Variants in KIAA1671 observed in about 807,000 individuals in gnomAD.
KIAA1671 encodes the protein KIAA1671.
KIAA1671 carries 52 observed loss-of-function variants against 131.2 expected under a neutral mutation model. The observed-to-expected ratio is 0.40, with a 90% CI of 0.32 to 0.50. The LOEUF (loss-of-function observed/expected upper bound fraction) is 0.50, where lower values mean the gene tolerates loss of function less well. KIAA1671 is among the 20% of genes least tolerant of loss of function. KIAA1671 has a pLI of 0.73. For synonymous variants in KIAA1671, 1,003 were observed against 961.6 expected (o/e 1.04, Z -0.80); for missense variants, 2,360 against 2,364.2 (o/e 1.00, Z 0.04).
intron 6 of KIAA1671, among the ~76,000 whole-genome samples, chr22:25,117,211 G>A (rs550185461): frequency 2.6e-5 from 4 of 152,184 alleles, no homozygotes; most frequent in Non-Finnish European, 4.4e-5. Context: ...TGTAGCTGGG[G>A]TATATTCTCC....
At chr22:25,072,742 C>G (rs713961) in intron 6 of KIAA1671, among the ~76,000 whole-genome samples, 73,660 of 151,954 alleles carry the variant, frequency 0.48, 18,526 homozygotes, top group African/African-American at 0.61. Context: ...TGATTTGCTT[C>G]TTGGGGCAAT....
At chr22:25,145,565 G>T (rs781425656) in intron 6 of KIAA1671, among the ~76,000 whole-genome samples, 3 of 152,210 alleles carry the variant, frequency 2.0e-5, no homozygotes, top group Non-Finnish European at 4.4e-5. Flanking sequence ...CACCTGTGCA[G>T]GTTACTTCCC....
chr22:25,055,805 T>TATAG (rs1927806053), intron 6 of KIAA1671: 1 of 114,626 alleles, frequency 8.7e-6, no homozygotes, highest in African/African-American at 3.4e-5. Flanking sequence ...TATAGATAGA[T>TATAG]ATAGATATAG....
chr22:25,103,605 G>A (rs1214367943), intron 6 of KIAA1671, among the ~76,000 whole-genome samples: 1 of 152,196 alleles, frequency 6.6e-6, no homozygotes, highest in African/African-American at 2.4e-5. Flanking sequence ...TGATCTGCCT[G>A]CCTCAGCCTC....
intron 5 of KIAA1671, among the ~76,000 whole-genome samples, chr22:25,048,077 G>T (rs1430691766): frequency 6.6e-6 from 1 of 152,244 alleles, no homozygotes; most frequent in Non-Finnish European, 1.5e-5. Context: ...AGAGAATGGG[G>T]AGGAGAATGG....
intron 1 of KIAA1671, chr22:25,012,489 T>G (rs960384593): frequency 6.6e-6 from 1 of 152,046 alleles, no homozygotes; most frequent in African/African-American, 2.4e-5. Flanking sequence ...GCCAGGCTGG[T>G]CTCGAACCCC....
rs1926844507 is a variant in KIAA1671 at position 25,040,373 on chromosome 22, G to A, written c.3243G>A (p.Glu1081=). 1.5e-5 allele frequency: 24 copies of A among 1,551,786 alleles called. No homozygotes were observed. The highest frequency in any genetic ancestry group is 1.9e-5 in the Non-Finnish European group (22 of 1,147,048). The change falls in exon 5 of 13, where the codon GAG becomes GAA. Residue 1081 remains glutamate (E), a synonymous_variant. Transcript: ENST00000358431. ...CTCTTGGTCATGAAGAGGCATTGGA[G>A]ATGGCAGGCAGTAAAAACTGGATGA... The part of the protein sequence containing the change: ...LVSLGHEEAL[E]MAGSKNWMKG...
intron 6 of KIAA1671, among the ~76,000 whole-genome samples, chr22:25,115,147 A>T (rs1443723370): frequency 6.6e-6 from 1 of 152,238 alleles, no homozygotes; most frequent in African/African-American, 2.4e-5. Context: ...CCACAAAGGC[A>T]GGAAGAGGCA....
chr22:25,073,787 C>G, intron 6 of KIAA1671, among the ~76,000 whole-genome samples: 1 of 152,174 alleles, frequency 6.6e-6, no homozygotes, highest in East Asian at 1.9e-4. Context: ...ACCTCTGCCT[C>G]CCAGGTTCAA....
At chr22:25,093,824 T>TCTC (rs1555877745) in intron 6 of KIAA1671, among the ~76,000 whole-genome samples, 18 of 21,946 alleles carry the variant, frequency 8.2e-4, no homozygotes, top group South Asian at 1.7e-3. Flanking sequence ...CTCTCTCTCT[T>TCTC]TCTCTCTCTG....
chr22:24,967,871 T>C (rs1602032330), intron 1 of KIAA1671, among the ~76,000 whole-genome samples: 1 of 152,088 alleles, frequency 6.6e-6, no homozygotes, highest in Admixed American at 6.5e-5. Context: ...CGGGTGCCTG[T>C]AGTCCCAGCT....
chr22:25,129,519 A>C (rs1932337369), intron 6 of KIAA1671, among the ~76,000 whole-genome samples: 1 of 151,710 alleles, frequency 6.6e-6, no homozygotes, highest in South Asian at 2.1e-4. Context: ...AAAAAAAAAA[A>C]AACCCACAGA....
chr22:25,016,001 G>C (rs1925293936), intron 1 of KIAA1671, among the ~76,000 whole-genome samples: 9 of 149,320 alleles, frequency 6.0e-5, no homozygotes, highest in Admixed American at 5.4e-4. Context: ...ACTTTTTAAG[G>C]AATCACAGGG....
chr22:24,989,792 C>A (rs906427681), intron 1 of KIAA1671, among the ~76,000 whole-genome samples: 3 of 151,964 alleles, frequency 2.0e-5, no homozygotes, highest in Admixed American at 2.0e-4. Flanking sequence ...ATTTTGGTGC[C>A]GGGAGGGTGT....
At chr22:24,960,654 CTTTTTT>C (rs34901740) in intron 1 of KIAA1671, among the ~76,000 whole-genome samples, 10 of 71,538 alleles carry the variant, frequency 1.4e-4, no homozygotes, top group Non-Finnish European at 2.0e-4. Context: ...TTTTCAGGTT[CTTTTTT>C]TTTTTTTTTT....
At chr22:25,178,003 C>G (rs968519374) in intron 9 of KIAA1671, among the ~76,000 whole-genome samples, 9 of 152,194 alleles carry the variant, frequency 5.9e-5, no homozygotes, top group African/African-American at 2.2e-4. Flanking sequence ...AGTGCCCGGC[C>G]AAGGCCTCCC....
At chr22:25,177,073 T>C (rs1934057522) in intron 8 of KIAA1671, 2 of 412,202 alleles carry the variant, frequency 4.9e-6, no homozygotes, top group Non-Finnish European at 8.7e-6. Context: ...ATTTGTATTA[T>C]GTGCCTACTG....
At chr22:25,063,508 A>G (rs1050540505) in intron 6 of KIAA1671, 1 of 152,160 alleles carries the variant, frequency 6.6e-6, no homozygotes, top group African/African-American at 2.4e-5. Flanking sequence ...GCGCTAAGCT[A>G]TGAGCATGAA....
At chr22:25,076,286 T>G (rs183538337) in intron 6 of KIAA1671, among the ~76,000 whole-genome samples, 14 of 152,174 alleles carry the variant, frequency 9.2e-5, no homozygotes, top group Admixed American at 2.6e-4. Context: ...GGTTGGAAAC[T>G]TAGGTTATTC....
Sources: allele counts gnomAD v4.1 joint callset (sites outside exome capture counted in the v4.1 genomes callset), GRCh38; gene constraint gnomAD v4.1.1; transcripts MANE v1.5; gene names NCBI Gene and HGNC (gene_info 2026-07-23, HGNC 2026-07-21).